The following DIAPH2 variants were observed in gnomAD, a reference collection of about 807,000 sequenced individuals.
DIAPH2 encodes protein diaphanous homolog 2.
DIAPH2 carries 35 observed loss-of-function variants against 92.7 expected under a neutral mutation model. The ratio of observed to expected loss-of-function variants is 0.38; its 90% confidence interval spans 0.29 to 0.50. The LOEUF is 0.50. Among genes scored for constraint, DIAPH2 ranks in the 20% least tolerant of loss-of-function variants. The probability of loss-of-function intolerance (pLI) is 0.94; values close to 1 mark genes in which losing one functional copy is unlikely to be tolerated. For missense variants in DIAPH2, 701 were observed against 819.5 expected, an observed-to-expected ratio of 0.86 and a Z score of 1.77; for synonymous variants, 301 against 280.4, an observed-to-expected ratio of 1.07 and a Z score of -0.73.
intron 26 of DIAPH2, among the ~76,000 whole-genome samples, chrX:97,449,303 G>A (rs191008239): frequency 3.3e-3 from 364 of 111,695 alleles, no homozygotes; most frequent in African/African-American, 0.011. Flanking sequence ...ATAAGTACAG[G>A]TTATCTAAGG....
intron 4 of DIAPH2, among the ~76,000 whole-genome samples, chrX:96,853,055 A>G (rs1408987990): frequency 9.0e-6 from 1 of 111,718 alleles, no homozygotes; most frequent in East Asian, 2.8e-4. Flanking sequence ...GTTAAAAGAT[A>G]ATGAAAATGG....
chrX:96,723,576 T>C (rs1391493686), intron 1 of DIAPH2, among the ~76,000 whole-genome samples: 2 of 112,200 alleles, frequency 1.8e-5, no homozygotes, highest in Non-Finnish European at 3.8e-5. Flanking sequence ...AGGTGTATTA[T>C]AGATTTTTAT....
chrX:96,722,351 C>T (rs934671017), intron 1 of DIAPH2, among the ~76,000 whole-genome samples: 2 of 109,109 alleles, frequency 1.8e-5, no homozygotes, highest in African/African-American at 3.4e-5. Context: ...AGCGAGACTC[C>T]GTCTTAGAAA....
At chrX:97,072,618 G>A (rs2147911701) in intron 17 of DIAPH2, among the ~76,000 whole-genome samples, 1 of 112,101 alleles carries the variant, frequency 8.9e-6, no homozygotes, top group East Asian at 2.8e-4. Context: ...GATTAGTGAG[G>A]TTGTACTATA....
chrX:96,781,863 T>A (rs929912708), intron 4 of DIAPH2, among the ~76,000 whole-genome samples: 1 of 110,944 alleles, frequency 9.0e-6, no homozygotes, highest in African/African-American at 3.3e-5. Flanking sequence ...ACCAGATAAC[T>A]GTTATGTGGT....
intron 23 of DIAPH2, among the ~76,000 whole-genome samples, chrX:97,312,089 A>G (rs2068799446): frequency 9.0e-6 from 1 of 110,826 alleles, no homozygotes; most frequent in Admixed American, 9.7e-5. Context: ...CAGCCTCCCA[A>G]GGTGCTGGGA....
At chrX:97,552,955 C>G (rs990006285) in intron 26 of DIAPH2, among the ~76,000 whole-genome samples, 4 of 111,427 alleles carry the variant, frequency 3.6e-5, no homozygotes, top group African/African-American at 1.3e-4. Flanking sequence ...ATGTGACTAT[C>G]CCTCTGTCTC....
intron 26 of DIAPH2, among the ~76,000 whole-genome samples, chrX:97,536,233 T>C (rs2071094680): frequency 1.8e-5 from 2 of 111,834 alleles, no homozygotes; most frequent in African/African-American, 6.5e-5. Flanking sequence ...ACAAAATAAA[T>C]CTCACTGAAA....
intron 22 of DIAPH2, among the ~76,000 whole-genome samples, chrX:97,155,329 C>T (rs751114880): frequency 3.6e-5 from 4 of 109,969 alleles, no homozygotes; most frequent in Non-Finnish European, 5.7e-5. Flanking sequence ...GGTAAAACCC[C>T]GTCTCTACGA....
At chrX:96,868,132 A>G (rs2065117336) in intron 4 of DIAPH2, among the ~76,000 whole-genome samples, 1 of 112,000 alleles carries the variant, frequency 8.9e-6, no homozygotes, top group South Asian at 3.7e-4. Context: ...ATCTATGGTT[A>G]AATTTTGATT....
chrX:97,406,146 G>T (rs2069807900), intron 25 of DIAPH2, among the ~76,000 whole-genome samples: 1 of 111,993 alleles, frequency 8.9e-6, no homozygotes, highest in South Asian at 3.7e-4. Flanking sequence ...GAAACAAAAT[G>T]CCCTGGCCAT....
intron 1 of DIAPH2, among the ~76,000 whole-genome samples, chrX:96,723,916 ATTTTTTTTTTT>A (rs149595440): frequency 8.4e-5 from 6 of 71,267 alleles, no homozygotes; most frequent in African/African-American, 2.9e-4. Context: ...TGATTCTATA[ATTTTTTTTTTT>A]TTTTTTTTTT....
chrX:97,156,857 A>C, intron 22 of DIAPH2, among the ~76,000 whole-genome samples: 1 of 111,612 alleles, frequency 9.0e-6, no homozygotes, highest in Non-Finnish European at 1.9e-5. Flanking sequence ...ATGAACGCTC[A>C]AAAGTAAAAG....
intron 5 of DIAPH2, among the ~76,000 whole-genome samples, chrX:96,899,158 C>G (rs189944623): frequency 9.2e-6 from 1 of 108,838 alleles, no homozygotes; most frequent in African/African-American, 3.3e-5. Context: ...AGTCAGGTAG[C>G]GTGATGCCTC....
chrX:96,803,016 T>A (rs1313684875), intron 4 of DIAPH2, among the ~76,000 whole-genome samples: 1 of 111,254 alleles, frequency 9.0e-6, no homozygotes, highest in Non-Finnish European at 1.9e-5. Context: ...CATTCCACCT[T>A]CCTCTGCCTG....
At chrX:97,207,561 T>C (rs2067807869) in intron 22 of DIAPH2, among the ~76,000 whole-genome samples, 1 of 111,365 alleles carries the variant, frequency 9.0e-6, no homozygotes, top group African/African-American at 3.3e-5. Context: ...GAGATGTAAA[T>C]ACTGAGGTAC....
chrX:96,813,953 A>G (rs895449763), intron 4 of DIAPH2, among the ~76,000 whole-genome samples: 1 of 111,296 alleles, frequency 9.0e-6, no homozygotes, highest in African/African-American at 3.3e-5. Context: ...GGCTGCCCTT[A>G]GCCTTTTTTC....
intron 4 of DIAPH2, among the ~76,000 whole-genome samples, chrX:96,861,407 C>A (rs987743106): frequency 2.2e-4 from 24 of 111,511 alleles, no homozygotes; most frequent in Middle Eastern, 4.6e-3. Context: ...CTTGCACTTC[C>A]TCATTCTCTA....
chrX:97,300,953 AAAAAAAAAAAAAG>A (rs1395854711), intron 23 of DIAPH2, among the ~76,000 whole-genome samples: 1,315 of 64,941 alleles, frequency 0.02, 57 homozygotes, highest in Non-Finnish European at 0.033. Flanking sequence ...AAAAAAAAAA[AAAAAAAAAAAAAG>A]AAGAAGAAGA....
Sources: gnomAD v4.1 joint callset for allele counts (sites outside exome capture counted in the v4.1 genomes callset) on GRCh38, gnomAD v4.1.1 for gene constraint, MANE v1.5 for transcripts, NCBI Gene and HGNC (gene_info 2026-07-23, HGNC 2026-07-21) for gene names.